PHF24: variants seen among roughly 807,000 people sequenced by gnomAD.
PHF24 encodes PHD finger protein 24.
A neutral mutation model predicts 42.6 loss-of-function variants in PHF24; 25 were observed. The ratio of observed to expected loss-of-function variants is 0.59; its 90% CI spans 0.43 to 0.82. The LOEUF (loss-of-function observed/expected upper bound fraction) is 0.82. Among genes scored for constraint, PHF24 ranks in the 40% least tolerant of loss-of-function variants. The pLI, the probability that PHF24 is intolerant of heterozygous loss-of-function variation, is 0.00. For synonymous variants in PHF24, 185 were observed against 204.8 expected (o/e 0.90, Z 0.83); for missense variants, 470 against 538.1 (o/e 0.87, Z 1.25).
chr9:34,763,620 A>G, the PHF24 span, among the ~76,000 whole-genome samples: 1 of 152,114 alleles, frequency 6.6e-6, no homozygotes, highest in African/African-American at 2.4e-5. Context: ...GGTTTTCTAG[A>G]TATACAATCA....
At chr9:34,798,066 G>A in the PHF24 span, among the ~76,000 whole-genome samples, 1 of 152,164 alleles carries the variant, frequency 6.6e-6, no homozygotes, top group Non-Finnish European at 1.5e-5. Flanking sequence ...GACCACAAAG[G>A]GTTAGCATGG....
At chr9:34,897,231 T>C in the PHF24 span, among the ~76,000 whole-genome samples, 1 of 152,332 alleles carries the variant, frequency 6.6e-6, no homozygotes, top group East Asian at 1.9e-4. Flanking sequence ...CAGACAGGAA[T>C]AGTGAGCACT....
chr9:34,683,561 T>C, the PHF24 span, among the ~76,000 whole-genome samples: 1 of 152,330 alleles, frequency 6.6e-6, no homozygotes, highest in East Asian at 1.9e-4. Flanking sequence ...TCCAGCCCCA[T>C]ACATACAAGC....
chr9:34,760,414 A>T, the PHF24 span, among the ~76,000 whole-genome samples: 1 of 152,232 alleles, frequency 6.6e-6, no homozygotes, highest in Non-Finnish European at 1.5e-5. Flanking sequence ...ACTAGTGAAC[A>T]TCTCAAATAT....
At chr9:34,681,711 T>G in the PHF24 span, among the ~76,000 whole-genome samples, 1 of 152,310 alleles carries the variant, frequency 6.6e-6, no homozygotes, top group Non-Finnish European at 1.5e-5. Context: ...CTTGGGAGGC[T>G]GAGGCAGGAG....
the PHF24 span, among the ~76,000 whole-genome samples, chr9:34,912,133 T>G: frequency 1.6e-4 from 24 of 152,168 alleles, no homozygotes; most frequent in Non-Finnish European, 4.4e-5. Flanking sequence ...ACGGCTGAGC[T>G]GTCATGTAGG....
chr9:34,754,539 C>G, the PHF24 span, among the ~76,000 whole-genome samples: 1 of 151,906 alleles, frequency 6.6e-6, no homozygotes, highest in African/African-American at 2.4e-5. Context: ...AGTTTTTATC[C>G]AAAAGACAGG....
the PHF24 span, among the ~76,000 whole-genome samples, chr9:34,886,796 C>A: frequency 3.0e-4 from 41 of 135,426 alleles, no homozygotes; most frequent in African/African-American, 1.2e-3. Flanking sequence ...TGTCTATCTA[C>A]TCTATCTATG....
chr9:34,831,911 G>A, the PHF24 span, among the ~76,000 whole-genome samples: 1 of 152,112 alleles, frequency 6.6e-6, no homozygotes, highest in African/African-American at 2.4e-5. Context: ...CTATCATCTG[G>A]ATCTGACATC....
the PHF24 span, among the ~76,000 whole-genome samples, chr9:34,870,098 A>G: frequency 5.9e-5 from 9 of 152,040 alleles, no homozygotes; most frequent in Admixed American, 2.0e-4. Context: ...AGTAAAATTA[A>G]GTGGAAAGTA....
the PHF24 span, among the ~76,000 whole-genome samples, chr9:34,713,708 A>G: frequency 6.6e-6 from 1 of 152,056 alleles, no homozygotes; most frequent in African/African-American, 2.4e-5. Flanking sequence ...ATGGTATATG[A>G]TGTGTGAGGG....
the PHF24 span, among the ~76,000 whole-genome samples, chr9:34,679,743 T>C: frequency 6.6e-6 from 1 of 152,120 alleles, no homozygotes; most frequent in Non-Finnish European, 1.5e-5. Flanking sequence ...GAGAGGACCA[T>C]GTGCCAGTGA....
chr9:34,842,773 G>C, the PHF24 span, among the ~76,000 whole-genome samples: 1 of 152,138 alleles, frequency 6.6e-6, no homozygotes, highest in African/African-American at 2.4e-5. Flanking sequence ...GATTAAAACT[G>C]TGTGTGTTTA....
chr9:34,851,141 A>T, the PHF24 span, among the ~76,000 whole-genome samples: 1 of 151,616 alleles, frequency 6.6e-6, no homozygotes, highest in African/African-American at 2.4e-5. Context: ...CTGTCAGACA[A>T]GGACATTTAA....
the PHF24 span, among the ~76,000 whole-genome samples, chr9:34,803,186 C>T: frequency 2.6e-5 from 4 of 152,196 alleles, no homozygotes; most frequent in Non-Finnish European, 4.4e-5. Flanking sequence ...TCAAGAATCA[C>T]GTTCCAGGTG....
At chr9:34,698,698 T>C in the PHF24 span, among the ~76,000 whole-genome samples, 1 of 152,202 alleles carries the variant, frequency 6.6e-6, no homozygotes, top group Non-Finnish European at 1.5e-5. Context: ...TAGGCTGGTC[T>C]TGAACTCCTG....
chr9:34,962,030 G>A (rs989784220), intron 1 of PHF24, among the ~76,000 whole-genome samples: 4 of 152,148 alleles, frequency 2.6e-5, no homozygotes, highest in African/African-American at 7.2e-5. Flanking sequence ...CTTAGGTTGC[G>A]AAGGAGTTTC....
At chr9:34,926,699 GT>G in the PHF24 span, among the ~76,000 whole-genome samples, 1 of 152,006 alleles carries the variant, frequency 6.6e-6, no homozygotes, top group East Asian at 1.9e-4. The surrounding 1 kb of genome is among the most constrained non-coding windows in gnomAD (Gnocchi z 4.3). Flanking sequence ...CAGGCACAGG[GT>G]TGTTGCTCAG....
chr9:34,872,918 A>G, the PHF24 span, among the ~76,000 whole-genome samples: 2 of 148,374 alleles, frequency 1.3e-5, no homozygotes, highest in Non-Finnish European at 3.0e-5. Context: ...GTGAGATGGT[A>G]TCTCATTGTG....
Sources: gnomAD v4.1 joint callset for allele counts (sites outside exome capture counted in the v4.1 genomes callset) on GRCh38, gnomAD v4.1.1 for gene constraint, Gnocchi (gnomAD v3.1) non-coding constraint, MANE v1.5 for transcripts, NCBI Gene and HGNC (gene_info 2026-07-23, HGNC 2026-07-21) for gene names.